KDM3A: variants seen among roughly 807,000 people sequenced by gnomAD.
The protein encoded by KDM3A is lysine-specific demethylase 3A.
In KDM3A, 60 loss-of-function variants were observed where a neutral mutation model predicts 158.0. The observed-to-expected ratio is 0.38, with a 90% CI of 0.31 to 0.47. The LOEUF (loss-of-function observed/expected upper bound fraction) is 0.47. Among genes scored for constraint, KDM3A ranks in the 20% least tolerant of loss-of-function variants. The pLI is 0.99. For missense variants in KDM3A, 1,319 were observed against 1,574.3 expected, an observed-to-expected ratio of 0.84 and a Z score of 2.74; for synonymous variants, 608 against 549.3, an observed-to-expected ratio of 1.11 and a Z score of -1.49.
rs767344324 is a variant in KDM3A, at chr2:86,449,881, A to C, written c.261A>C (p.Ala87=). The C allele has an allele frequency of 6.2e-7, 1 of 1,613,774 alleles. No individual in the cohort carries two copies. The highest frequency in any genetic ancestry group is 1.7e-5 in the Admixed American group (1 of 59,968). ...WIEVYSLLRR[A]FLVEHNLVLA... ...AAGTCTACAGCCTTCTAAGGAGAGCATTTTTAGTAGAACATAATTTGGTTT... is the reference window on the plus strand; with the variant it reads ...AAGTCTACAGCCTTCTAAGGAGAGCCTTTTTAGTAGAACATAATTTGGTTT... The change falls in exon 3 of 26, where the codon GCA becomes GCC. Residue 87 remains alanine (A), a synonymous_variant. Coordinates refer to ENST00000312912, the MANE Select transcript of KDM3A (RefSeq NM_018433.6).
At chr2:86,487,724 T>G (rs770400960) in intron 21 of KDM3A, 1 of 152,284 alleles carries the variant, frequency 6.6e-6, no homozygotes, top group Non-Finnish European at 1.5e-5. Flanking sequence ...GTGTTTTGTT[T>G]CAGGATGTTT....
chr2:86,447,118 T>C (rs897898208), intron 2 of KDM3A, among the ~76,000 whole-genome samples: 14 of 152,344 alleles, frequency 9.2e-5, no homozygotes, highest in African/African-American at 3.4e-4. Flanking sequence ...GACTGACATA[T>C]ATGGTTTTGA....
In KDM3A at chr2:86,456,967, T is replaced by C. The variant is rs746369704; in HGVS notation, c.755-16T>C. 1 of 1,587,014 alleles carries C rather than the reference T, an allele frequency of 6.3e-7. No individual in the cohort carries two copies. The highest frequency in any genetic ancestry group is 8.6e-7 in the Non-Finnish European group (1 of 1,160,002). ...GAAACAGGGAAGCCAACTTAACCTA[T>C]TTTTAAATATTTTAGGTAATTCTGC... On this transcript the variant is annotated splice_polypyrimidine_tract_variant and intron_variant, in intron 7 of 25. Coordinates refer to ENST00000312912, the MANE Select transcript of KDM3A (RefSeq NM_018433.6).
intron 5 of KDM3A, 56 bp from the exon 6 acceptor site, chr2:86,456,386 C>A: frequency 1.7e-6 from 2 of 1,210,396 alleles, no homozygotes. Context: ...GATGATGTTG[C>A]TATTGGGAGA....
At position 86,481,966 on chromosome 2, in the gene KDM3A, T is replaced by G. The variant is rs1673951104; in HGVS notation, c.2549T>G (p.Ile850Ser). The G allele has an allele frequency of 6.2e-7, 1 of 1,613,098 alleles. No homozygotes were observed. The highest frequency in any genetic ancestry group is 2.2e-5 in the East Asian group (1 of 44,858). Residue 850 changes from isoleucine to serine, a missense_variant, in exon 17 of 26, where the codon ATC (isoleucine) becomes AGC (serine). By Grantham distance (142) the Ile-to-Ser change is moderately radical. Transcript: ENST00000312912. ...QPTMPILKNE[I>S]KCLPPLPPLS... ...ACAATGCCAATTTTAAAGAATGAAA[T>G]CAAATGCCTTCCACCCCTCCCACCT...
rs912757586 is a variant in KDM3A at position 86,464,362 on chromosome 2, A to G, written c.1007+146A>G. 7.2e-6 allele frequency: 4 copies of G among 552,090 alleles called. No homozygotes were observed. In the Admixed American group the frequency reaches 9.8e-5, roughly 14 times the overall value. The allele number at this position is 552,090 out of a possible 1,614,324, so 34.2% of individuals were successfully genotyped here. A position where few individuals can be genotyped will look rare whatever the true frequency, so the allele number is the denominator to read the frequency against. ...TGGATAGATGCTTTTGAAGGTGAAA[A>G]GTATAGAAGGCACACAGAGCAACAT... On this transcript the variant is annotated intron_variant, in intron 9 of 25. Transcript: ENST00000312912.
chr2:86,464,059 C>G lies in KDM3A; in HGVS notation c.850C>G (p.Pro284Ala). ...KQAKSCSEAS[P>A]SMCPVQSVPT... is the part of the protein sequence containing the mutation. ...TTGGTTTGGTATCTTCTAGGCCTCTCCCAGTATGTGTCCTGTGCAGTCTGT... is the reference window on the plus strand; with the variant it reads ...TTGGTTTGGTATCTTCTAGGCCTCTGCCAGTATGTGTCCTGTGCAGTCTGT... Residue 284 changes from proline (P) to alanine (A), a missense_variant, in exon 9 of 26, where the codon CCC (proline) becomes GCC (alanine). Pro to Ala is a conservative substitution (Grantham distance 27). Around this residue, in one of 4 missense-constraint regions of KDM3A, gnomAD observed 652 missense variants for 627.2 expected, o/e 1.04. Transcript: ENST00000312912. The G allele has an allele frequency of 3.2e-6, 5 of 1,573,264 alleles. No homozygotes were observed. The highest frequency in any genetic ancestry group is 4.3e-6 in the Non-Finnish European group (5 of 1,157,424).
Position 86,470,284 on chromosome 2 carries a change from G to T in KDM3A, c.1600G>T (p.Asp534Tyr). The change falls in exon 11 of 26, where the codon GAT (aspartate) becomes TAT (tyrosine). Residue 534 changes from aspartate to tyrosine, a missense_variant. Physicochemically the swap from Asp to Tyr is radical, Grantham distance 160 (BLOSUM62 -3). Coordinates refer to ENST00000312912, the MANE Select transcript of KDM3A (RefSeq NM_018433.6). Reference sequence around the variant, plus strand: ...GAGTGGCGAGGCCTTCGTACAGGATGATTCTTGTGTGAACATCGTGGCACA... The same window carrying T: ...GAGTGGCGAGGCCTTCGTACAGGATTATTCTTGTGTGAACATCGTGGCACA... ...QQSGEAFVQD[D>Y]SCVNIVAQLP... The T allele has an allele frequency of 1.2e-6, 2 of 1,614,142 alleles. No homozygotes were observed. Among genetic ancestry groups the T allele is most frequent in the Non-Finnish European group, 1.7e-6 (2 of 1,179,996 alleles).
Position 86,454,122 on chromosome 2 carries a change from T to G in KDM3A, c.454-963T>G, listed in dbSNP as rs141758619. On this transcript the variant is annotated intron_variant, in intron 4 of 25. Transcript: ENST00000312912. Reference sequence around the variant, plus strand: ...GCTATTCATTCAGATTTTCTGTTTGTCCCCCCACCTCCCTTTTTGTAAAAA... The same window carrying G: ...GCTATTCATTCAGATTTTCTGTTTGGCCCCCCACCTCCCTTTTTGTAAAAA... 3.2e-3 allele frequency among the ~76,000 whole-genome samples: 484 copies of G among 152,246 alleles called. 3 individuals carry two copies. The highest frequency in any genetic ancestry group is 3.8e-3 in the Non-Finnish European group (256 of 68,010).
intron 23 of KDM3A, 147 bp downstream of exon 23, chr2:86,489,806 T>G (rs1573216043): frequency 2.6e-6 from 2 of 783,240 alleles, no homozygotes; most frequent in Non-Finnish European, 3.9e-6. Context: ...AGGCTGAAGG[T>G]GGTTGCTAAG....
intron 11 of KDM3A, among the ~76,000 whole-genome samples, chr2:86,470,930 T>C (rs976658484): frequency 6.6e-6 from 1 of 152,232 alleles, no homozygotes; most frequent in African/African-American, 2.4e-5. Context: ...GATTATTTTG[T>C]ATTTTTTGTG....
upstream of KDM3A, among the ~76,000 whole-genome samples, chr2:86,438,436 T>A (rs1281726370): frequency 6.6e-6 from 1 of 152,050 alleles, no homozygotes; most frequent in Admixed American, 6.5e-5. Flanking sequence ...TACATCATGG[T>A]GACTACAGTT....
At chr2:86,485,962 A>G (rs1016945876) in intron 21 of KDM3A, 103 bp downstream of exon 21, 7 of 1,179,372 alleles carry the variant, frequency 5.9e-6, no homozygotes, top group Non-Finnish European at 8.6e-6. Flanking sequence ...CATAATCCTA[A>G]TGCGTAATAC....
upstream of KDM3A, among the ~76,000 whole-genome samples, chr2:86,438,748 TA>T (rs1388419821): frequency 3.3e-5 from 5 of 152,062 alleles, no homozygotes; most frequent in Admixed American, 3.3e-4. Flanking sequence ...CTAATACCAG[TA>T]ACCATTACTG....
In KDM3A at chr2:86,470,463, C is replaced by A. The variant is rs371216816; in HGVS notation, c.1724+55C>A. On this transcript the variant is annotated intron_variant, in intron 11 of 25. Transcript: ENST00000312912. ...TCTGGGCATACTTGTTATGCTAGAT[C>A]ATCTGGCATACTTTTGTTACTCTTT... 3.6e-6 allele frequency: 5 copies of A among 1,398,408 alleles called. No individual in the cohort carries two copies. In the African/African-American group the frequency reaches 5.7e-5, roughly 16 times the overall value. The allele number at this position is 1,398,408 out of a possible 1,614,324, so 86.6% of individuals were successfully genotyped here. A position where few individuals can be genotyped will look rare whatever the true frequency, so the allele number is the denominator to read the frequency against.
chr2:86,482,722 C>T, intron 18 of KDM3A, 28 bp downstream of exon 18: 1 of 1,607,528 alleles, frequency 6.2e-7, no homozygotes. Context: ...TCCTCCTGCC[C>T]TATTCAGAAC....
intron 8 of KDM3A, among the ~76,000 whole-genome samples, chr2:86,457,827 G>T (rs1033715671): frequency 2.6e-5 from 4 of 152,140 alleles, no homozygotes; most frequent in Non-Finnish European, 5.9e-5. Context: ...ACTAATTTCT[G>T]TCCAGAAAAG....
At chr2:86,487,023 C>A (rs751568881) in intron 21 of KDM3A, 1 of 152,200 alleles carries the variant, frequency 6.6e-6, no homozygotes, top group Non-Finnish European at 1.5e-5. Context: ...TGTGCTCTCT[C>A]GAGGTCCTGT....
intron 2 of KDM3A, among the ~76,000 whole-genome samples, chr2:86,447,306 A>C (rs1353975004): frequency 1.5e-5 from 2 of 134,234 alleles, no homozygotes; most frequent in Non-Finnish European, 3.4e-5. Flanking sequence ...TTTTTTTTTC[A>C]AATCACTCAA....
Sources: allele counts gnomAD v4.1 joint callset (sites outside exome capture counted in the v4.1 genomes callset), GRCh38; gene constraint gnomAD v4.1.1; regional missense constraint gnomAD v4.1.1; transcripts MANE v1.5; gene names NCBI Gene and HGNC (gene_info 2026-07-23, HGNC 2026-07-21).